Variants in ANKRD36C observed in about 807,000 individuals in gnomAD.
ANKRD36C encodes the protein ankyrin repeat domain 36C.
ANKRD36C carries 61 observed loss-of-function variants against 276.4 expected under a neutral mutation model. The observed-to-expected ratio is 0.22, with a 90% CI of 0.18 to 0.27. The LOEUF (loss-of-function observed/expected upper bound fraction) is 0.27. ANKRD36C is among the 10% of genes least tolerant of loss of function. The pLI, the probability that ANKRD36C is intolerant of heterozygous loss-of-function variation, is 1.00. For synonymous variants in ANKRD36C, 483 were observed against 680.1 expected, an observed-to-expected ratio of 0.71 and a Z score of 4.51; for missense variants, 1,447 against 2,032.3, an observed-to-expected ratio of 0.71 and a Z score of 5.54.
chr2:95,980,507 A>T, intron 5 of ANKRD36C, 141 bp downstream of exon 5: 2 of 1,259,188 alleles, frequency 1.6e-6, no homozygotes, highest in Non-Finnish European at 2.1e-6. Flanking sequence ...CAACTCTCGA[A>T]AACTTAAAAA....
In ANKRD36C at chr2:95,858,195, G is replaced by T. The variant is rs1174048006; in HGVS notation, c.3897-703C>A. On this transcript the variant is annotated intron_variant, in intron 61 of 66. Coordinates refer to ENST00000456556, the Ensembl canonical transcript of ANKRD36C. Reference sequence around the variant, plus strand: ...GCACATGTTCTCAGGACCTCCTGAGGGCTGTGTCGGGGGCCATGGTCACTC... The same window carrying T: ...GCACATGTTCTCAGGACCTCCTGAGTGCTGTGTCGGGGGCCATGGTCACTC... 2.6e-5 allele frequency among the ~76,000 whole-genome samples: 4 copies of T among 151,902 alleles called. No individual in the cohort carries two copies. In the Admixed American group the frequency reaches 2.6e-4, roughly 10 times the overall value.
intron 5 of ANKRD36C, among the ~76,000 whole-genome samples, chr2:95,979,097 T>C (rs1025597413): frequency 1.3e-5 from 2 of 152,080 alleles, no homozygotes; most frequent in African/African-American, 4.8e-5. Flanking sequence ...ATTTCCAAGA[T>C]ACATACTAAT....
intron 40 of ANKRD36C, among the ~76,000 whole-genome samples, chr2:95,913,112 A>G (rs1369833971): frequency 2.0e-5 from 3 of 149,644 alleles, no homozygotes; most frequent in African/African-American, 4.9e-5. Flanking sequence ...AGGATAATAT[A>G]TTAGCCTCAA....
At chr2:95,947,240 A>G (rs1678077773) in intron 17 of ANKRD36C, among the ~76,000 whole-genome samples, 1 of 152,016 alleles carries the variant, frequency 6.6e-6, no homozygotes. Context: ...CTTCTATAAC[A>G]TATTTTCTCA....
intron 54 of ANKRD36C, among the ~76,000 whole-genome samples, 161 bp from the exon 75 acceptor site, chr2:95,882,658 C>G (rs1473367012): frequency 6.6e-6 from 1 of 152,072 alleles, no homozygotes; most frequent in Non-Finnish European, 1.5e-5. Context: ...TGAGGAAATA[C>G]ACTGAAGAAA....
At chr2:95,961,952 A>G (rs1257634332) in intron 8 of ANKRD36C, among the ~76,000 whole-genome samples, 1 of 151,898 alleles carries the variant, frequency 6.6e-6, no homozygotes, top group Non-Finnish European at 1.5e-5. Flanking sequence ...CTCTTTCTAC[A>G]TTGTTTATGG....
In ANKRD36C at chr2:95,917,853, A is replaced by C; in HGVS notation, c.2347+2T>G. 6.3e-7 allele frequency: 1 copy of C among 1,595,158 alleles called. No individual in the cohort carries two copies. On this transcript the variant is annotated splice_donor_variant, in intron 36 of 66. Transcript: ENST00000456556. LOFTEE classifies it high-confidence loss of function. ...GACATTAAATGTCTTTTGCAAAATTACCTGTCCCAGATTTTTCTCCGTCCT... is the reference window on the plus strand; with the variant it reads ...GACATTAAATGTCTTTTGCAAAATTCCCTGTCCCAGATTTTTCTCCGTCCT...
intron 58 of ANKRD36C, among the ~76,000 whole-genome samples, chr2:95,878,435 A>T (rs1676003784): frequency 6.6e-6 from 1 of 152,200 alleles, no homozygotes; most frequent in South Asian, 2.1e-4. Context: ...TTAAAAAAAT[A>T]GGTTTCTTAG....
At position 95,977,037 on chromosome 2, in the gene ANKRD36C, C is replaced by G. The variant is rs1269557305; in HGVS notation, c.799+1085G>C. On this transcript the variant is annotated intron_variant, in intron 6 of 66. Transcript: ENST00000456556. ...TGCATCATGGACAGCTCATTGAGAT[C>G]GATGACTTTGCCTAATAATTATAAT... Among the ~76,000 whole-genome samples the G allele has an allele frequency of 5.9e-5, 9 of 151,628 alleles. No individual in the cohort carries two copies. The East Asian group carries it at 1.5e-3, about 26-fold the overall frequency.
rs559490000 is a variant in ANKRD36C at position 95,893,823 on chromosome 2, G to A, written c.2756-1963C>T. On this transcript the variant is annotated intron_variant, in intron 44 of 66. Coordinates refer to ENST00000456556, the Ensembl canonical transcript of ANKRD36C. ...AGCATCAAACTCTGTCCTCCTGCCT[G>A]TATTAGCGTAGGCTTTAATGGCTTC... The A allele has an allele frequency of 1.0e-4, 160 of 1,577,648 alleles. No individual in the cohort carries two copies. In the Middle Eastern group the frequency reaches 2.5e-3, roughly 25 times the overall value.
chr2:95,910,663 G>A (rs1481581414), intron 42 of ANKRD36C, 95 bp from the exon 45 acceptor site: 1 of 1,581,422 alleles, frequency 6.3e-7, no homozygotes, highest in Non-Finnish European at 8.6e-7. Context: ...CTGTCCTCCT[G>A]CCTGTATTAG....
intron 64 of ANKRD36C, 115 bp downstream of exon 84, chr2:95,853,594 A>G (rs1162991558): frequency 1.2e-5 from 13 of 1,072,544 alleles, no homozygotes; most frequent in Non-Finnish European, 1.7e-5. Context: ...AATAACATTA[A>G]TTATCATAAA....
At chr2:95,855,620 G>C (rs776643014) in exon 63 of ANKRD36C, 6 of 1,610,630 alleles carry the variant, frequency 3.7e-6, no homozygotes, top group Non-Finnish European at 5.1e-6. Flanking sequence ...CACTTTGCAC[G>C]TGTTCAAAAA....
intron 42 of ANKRD36C, among the ~76,000 whole-genome samples, chr2:95,909,753 T>C (rs1351456597): frequency 6.6e-6 from 1 of 150,936 alleles, no homozygotes; most frequent in Non-Finnish European, 1.5e-5. Flanking sequence ...ATGCCAATTC[T>C]AGGATTGTTT....
chr2:95,955,579 T>C (rs928743294), intron 13 of ANKRD36C, among the ~76,000 whole-genome samples: 8 of 152,276 alleles, frequency 5.3e-5, no homozygotes, highest in African/African-American at 1.9e-4. Context: ...TTCACTTTCA[T>C]TGGGTTCAAC....
intron 54 of ANKRD36C, among the ~76,000 whole-genome samples, chr2:95,883,557 A>C (rs1447954812): frequency 1.3e-5 from 2 of 152,088 alleles, no homozygotes; most frequent in African/African-American, 4.8e-5. Context: ...TCCCAATTCT[A>C]GGAGTCCTTC....
rs181766879 is a variant in ANKRD36C, at chr2:95,891,571, G to A, written c.2857+94C>T. 12 of 1,408,326 alleles carry A rather than the reference G, an allele frequency of 8.5e-6. No homozygotes were observed. In the Admixed American group the frequency reaches 2.2e-4, roughly 26 times the overall value. The allele number at this position is 1,408,326 out of a possible 1,614,324, so 87.2% of individuals were successfully genotyped here. ...TCTCAGGACTGCTGTATCAGAATGT[G>A]CAGCTTCAACGAACCCCCCGCTGAT... On this transcript the variant is annotated intron_variant, in intron 46 of 66. Coordinates refer to ENST00000456556, the Ensembl canonical transcript of ANKRD36C.
intron 5 of ANKRD36C, 40 bp downstream of exon 5, chr2:95,980,608 T>A: frequency 6.3e-7 from 1 of 1,589,702 alleles, no homozygotes; most frequent in South Asian, 1.1e-5. Context: ...ATTTTAAACT[T>A]CAATTTAGTG....
intron 6 of ANKRD36C, among the ~76,000 whole-genome samples, chr2:95,964,691 T>C (rs936096867): frequency 6.6e-6 from 1 of 152,068 alleles, no homozygotes; most frequent in Non-Finnish European, 1.5e-5. Context: ...TTGGTTTGAG[T>C]ATCTATCATC....
Sources: gnomAD v4.1 joint callset for allele counts (sites outside exome capture counted in the v4.1 genomes callset) on GRCh38, gnomAD v4.1.1 for gene constraint, MANE v1.5 for transcripts, NCBI Gene and HGNC (gene_info 2026-07-23, HGNC 2026-07-21) for gene names.